Variants in KCNH7 observed in about 807,000 individuals in gnomAD.
The protein encoded by KCNH7 is potassium voltage-gated channel subfamily H member 7, also known as voltage-gated inwardly rectifying potassium channel KCNH7.
KCNH7 carries 49 observed loss-of-function variants against 120.8 expected under a neutral mutation model. That is an observed-to-expected ratio of 0.41 (90% CI 0.32 to 0.51). The LOEUF is 0.51. KCNH7 is among the 20% of genes least tolerant of loss of function. The probability of loss-of-function intolerance (pLI) is 0.38; values close to 1 mark genes in which losing one functional copy is unlikely to be tolerated. For synonymous variants in KCNH7, 547 were observed against 516.1 expected, an observed-to-expected ratio of 1.06 and a Z score of -0.81; for missense variants, 1,097 against 1,446.6, an observed-to-expected ratio of 0.76 and a Z score of 3.92.
At chr2:162,664,248 C>A (rs1298529245) in intron 2 of KCNH7, among the ~76,000 whole-genome samples, 1 of 152,118 alleles carries the variant, frequency 6.6e-6, no homozygotes, top group Non-Finnish European at 1.5e-5. Context: ...CACATATAAC[C>A]TCTTTCACTT....
At chr2:162,518,810 GTTT>G (rs781395597) in intron 3 of KCNH7, among the ~76,000 whole-genome samples, 4 of 119,440 alleles carry the variant, frequency 3.3e-5, no homozygotes, top group Non-Finnish European at 7.3e-5. Flanking sequence ...CCTGTTTTCT[GTTT>G]TTTTTTTTTT....
chr2:162,693,010 G>A (rs1471810352), intron 2 of KCNH7, among the ~76,000 whole-genome samples: 1 of 152,040 alleles, frequency 6.6e-6, no homozygotes, highest in Admixed American at 6.6e-5. Flanking sequence ...TTGTAAAAAG[G>A]TAAATTTGTA....
intron 2 of KCNH7, among the ~76,000 whole-genome samples, chr2:162,546,621 G>A (rs1221347114): frequency 1.3e-5 from 2 of 152,092 alleles, no homozygotes; most frequent in African/African-American, 4.8e-5. Flanking sequence ...TGCCTGGTGT[G>A]CCCATGATGT....
intron 7 of KCNH7, 117 bp from the exon 8 acceptor site, chr2:162,435,714 C>A: frequency 1.0e-6 from 1 of 973,078 alleles, no homozygotes; most frequent in Non-Finnish European, 1.5e-6. Context: ...AGGATAACTG[C>A]CTATTTAAAT....
intron 6 of KCNH7, among the ~76,000 whole-genome samples, chr2:162,466,317 T>C (rs1323247499): frequency 6.6e-6 from 1 of 151,566 alleles, no homozygotes; most frequent in Non-Finnish European, 1.5e-5. Context: ...AAAGAAGAGG[T>C]TTAATTCACT....
intron 3 of KCNH7, among the ~76,000 whole-genome samples, chr2:162,525,365 G>T (rs1271951728): frequency 6.6e-6 from 1 of 151,856 alleles, no homozygotes. Context: ...CAATATCTGA[G>T]GGACACTGCT....
intron 2 of KCNH7, among the ~76,000 whole-genome samples, chr2:162,706,843 C>A (rs1686720981): frequency 6.6e-6 from 1 of 152,050 alleles, no homozygotes. Context: ...GCAATAACTA[C>A]AGTTAGAGGT....
intron 5 of KCNH7, among the ~76,000 whole-genome samples, chr2:162,505,710 C>T (rs929813360): frequency 6.6e-6 from 1 of 151,788 alleles, no homozygotes; most frequent in Admixed American, 6.6e-5. Context: ...ATCGTGAGCT[C>T]CCTATTTTTG....
At chr2:162,556,327 C>T (rs1264255206) in intron 2 of KCNH7, among the ~76,000 whole-genome samples, 1 of 152,014 alleles carries the variant, frequency 6.6e-6, no homozygotes, top group Admixed American at 6.6e-5. Context: ...TTATTATCTT[C>T]ATTGTGTAGG....
chr2:162,500,494 G>A (rs1043993251), intron 6 of KCNH7, among the ~76,000 whole-genome samples: 4 of 151,646 alleles, frequency 2.6e-5, no homozygotes, highest in African/African-American at 9.7e-5. Context: ...GACTCTAACT[G>A]AGGAGGTAAA....
intron 2 of KCNH7, among the ~76,000 whole-genome samples, chr2:162,782,260 T>C (rs750537192): frequency 1.3e-5 from 2 of 152,262 alleles, no homozygotes; most frequent in South Asian, 4.1e-4. Context: ...ATATGTAATA[T>C]ATTGTTCATA....
chr2:162,492,791 A>C (rs531612048), intron 6 of KCNH7, among the ~76,000 whole-genome samples: 1 of 149,136 alleles, frequency 6.7e-6, no homozygotes, highest in South Asian at 2.1e-4. Context: ...AAGTGTACTC[A>C]ATTTAATTAA....
At chr2:162,376,067 A>C (rs1050797799) in intron 14 of KCNH7, among the ~76,000 whole-genome samples, 1 of 152,180 alleles carries the variant, frequency 6.6e-6, no homozygotes, top group African/African-American at 2.4e-5. Context: ...AAGCTGCGTG[A>C]AGTTAATATT....
chr2:162,492,702 G>T (rs893114379), intron 6 of KCNH7, among the ~76,000 whole-genome samples: 4 of 151,972 alleles, frequency 2.6e-5, no homozygotes, highest in African/African-American at 4.8e-5. Flanking sequence ...ATTAATTTTG[G>T]TAAAGCTCAA....
At chr2:162,597,077 G>A (rs925987349) in intron 2 of KCNH7, among the ~76,000 whole-genome samples, 7 of 152,182 alleles carry the variant, frequency 4.6e-5, no homozygotes, top group Admixed American at 1.3e-4. Context: ...ACAAAAGTCC[G>A]AGCCTTGTAC....
At position 162,372,012 on chromosome 2, in the gene KCNH7, T is replaced by C; in HGVS notation, c.3408A>G (p.Ser1136=). 1 of 1,613,664 alleles carries C rather than the reference T, an allele frequency of 6.2e-7. No homozygotes were observed. Among genetic ancestry groups the C allele is most frequent in the Non-Finnish European group, 8.5e-7 (1 of 1,179,676 alleles). ...LSSGVHLNTA[S]EDNLTSLLKQ... is the part of the protein sequence containing the mutation. ...TTAAAAGTGAAGTCAAGTTGTCTTC[T>C]GAAGCTGTGTTCAGATGCACCCCAC... The change falls in exon 16 of 16, where the codon TCA becomes TCG. Residue 1136 remains serine, a synonymous_variant. Coordinates refer to ENST00000332142, the MANE Select transcript of KCNH7 (RefSeq NM_033272.4).
intron 6 of KCNH7, among the ~76,000 whole-genome samples, chr2:162,498,739 G>T (rs1690580918): frequency 6.6e-6 from 1 of 152,080 alleles, no homozygotes; most frequent in Non-Finnish European, 1.5e-5. Flanking sequence ...CTGGAAGAAA[G>T]AAGGTCCTTC....
At chr2:162,719,429 A>G (rs1490473941) in intron 2 of KCNH7, among the ~76,000 whole-genome samples, 1 of 152,034 alleles carries the variant, frequency 6.6e-6, no homozygotes, top group Non-Finnish European at 1.5e-5. Context: ...TAAAAGGTAG[A>G]AATGTCAAAA....
chr2:162,777,982 GA>G (rs542614457), intron 2 of KCNH7, among the ~76,000 whole-genome samples: 253 of 152,144 alleles, frequency 1.7e-3, no homozygotes, highest in African/African-American at 5.3e-3. Flanking sequence ...CCAATATGGT[GA>G]CACTTTTTGG....
Sources: gnomAD v4.1 joint callset for allele counts (sites outside exome capture counted in the v4.1 genomes callset) on GRCh38, gnomAD v4.1.1 for gene constraint, MANE v1.5 for transcripts, NCBI Gene and HGNC (gene_info 2026-07-23, HGNC 2026-07-21) for gene names.